DNAH11: variants seen among roughly 807,000 people sequenced by gnomAD.
DNAH11 encodes dynein axonemal heavy chain 11, also known as axonemal beta dynein heavy chain 11.
A neutral mutation model predicts 526.0 loss-of-function variants in DNAH11; 442 were observed. The observed-to-expected ratio is 0.84, with a 90% CI of 0.78 to 0.91. The LOEUF is 0.91. Among genes scored for constraint, DNAH11 ranks in the 40% least tolerant of loss-of-function variants. The pLI is 0.00. For synonymous variants in DNAH11, 2,461 were observed against 1,935.9 expected (o/e 1.27, Z -7.12); for missense variants, 6,989 against 5,448.7 (o/e 1.28, Z -8.90).
chr7:21,655,897 T>C lies in DNAH11; in HGVS notation c.5010T>C (p.Asp1670=). 2 of 1,613,354 alleles carry C rather than the reference T, an allele frequency of 1.2e-6. No homozygotes were observed. Among genetic ancestry groups the C allele is most frequent in the Non-Finnish European group, 1.7e-6 (2 of 1,179,572 alleles). The change falls in exon 29 of 82, where the codon GAT becomes GAC. Residue 1670 remains aspartate (D), a synonymous_variant. Coordinates refer to ENST00000409508, the MANE Select transcript of DNAH11 (RefSeq NM_001277115.2). ...IADLQFEDNQ[D]VSAHRAVGMY... is the part of the protein sequence containing the mutation. Reference sequence around the variant, plus strand: ...ATCTGCAGTTTGAAGACAATCAGGATGTTTCTGCACACAGGGCAGTTGGAA... The same window carrying C: ...ATCTGCAGTTTGAAGACAATCAGGACGTTTCTGCACACAGGGCAGTTGGAA...
At chr7:21,568,587 A>G (rs984247297) in intron 6 of DNAH11, among the ~76,000 whole-genome samples, 4 of 152,114 alleles carry the variant, frequency 2.6e-5, no homozygotes, top group Admixed American at 1.3e-4. Flanking sequence ...ATTAAGTGCC[A>G]TCTTAGGAGG....
chr7:21,901,430 C>T lies in DNAH11; in HGVS notation c.*176C>T. The T allele has an allele frequency of 1.1e-6, 1 of 901,962 alleles. No individual in the cohort carries two copies. Among genetic ancestry groups the T allele is most frequent in the Non-Finnish European group, 1.5e-6 (1 of 663,038 alleles). 55.9% of individuals were successfully genotyped at this position (901,962 alleles called of 1,614,324 possible). ...AAAAATACTAGAAACTAACTCAGGG[C>T]TGAGCGTGGTGGCACACGACTGTAA... is the stretch of plus-strand genomic sequence containing the variant. On this transcript the variant is annotated 3_prime_UTR_variant, in exon 82 of 82. Coordinates refer to ENST00000409508, the MANE Select transcript of DNAH11 (RefSeq NM_001277115.2).
At chr7:21,775,637 C>G (rs1787639238) in intron 56 of DNAH11, among the ~76,000 whole-genome samples, 1 of 151,312 alleles carries the variant, frequency 6.6e-6, no homozygotes, top group African/African-American at 2.4e-5. Flanking sequence ...ACAAGTCTGT[C>G]TTTCCTGTCT....
At position 21,888,832 on chromosome 7, in the gene DNAH11, G is replaced by C. The variant is rs569498221; in HGVS notation, c.12508-3593G>C. ...TTGATTATATTTTCATGATGTGGAG[G>C]TTCTTTCTGCCTGAGCATGATTCTA... On this transcript the variant is annotated intron_variant, in intron 76 of 81. Transcript: ENST00000409508. Among the ~76,000 whole-genome samples the C allele has an allele frequency of 9.2e-5, 14 of 152,196 alleles. No homozygotes were observed. In the South Asian group the frequency reaches 2.9e-3, roughly 32 times the overall value.
rs553247785 is a variant in DNAH11, at chr7:21,707,720, A to G, written c.6568A>G (p.Thr2190Ala). 1.2e-6 allele frequency: 2 copies of G among 1,613,430 alleles called. No individual in the cohort carries two copies. The highest frequency in any genetic ancestry group is 1.3e-5 in the African/African-American group (1 of 75,034). ...KSKILRTLNR[T>A]YVNMKQKPVW... is the part of the protein sequence containing the mutation. The stretch of plus-strand genomic sequence containing the variant: ...TCAGATTTTGAGAACACTGAACCGA[A>G]CATATGTTAACATGAAACAGAAGCC... The change falls in exon 40 of 82, where the codon ACA becomes GCA. Residue 2190 changes from threonine (T) to alanine (A), a missense_variant. Thr to Ala is a moderately conservative substitution (Grantham distance 58). Coordinates refer to ENST00000409508, the MANE Select transcript of DNAH11 (RefSeq NM_001277115.2).
At chr7:21,647,051 A>G (rs1480800823) in intron 28 of DNAH11, among the ~76,000 whole-genome samples, 3 of 152,206 alleles carry the variant, frequency 2.0e-5, no homozygotes, top group Admixed American at 2.0e-4. Flanking sequence ...AAGTAATTAT[A>G]TGTGTATTTC....
intron 28 of DNAH11, among the ~76,000 whole-genome samples, chr7:21,654,994 G>A (rs912078643): frequency 2.6e-5 from 4 of 152,118 alleles, no homozygotes; most frequent in African/African-American, 9.7e-5. Context: ...GATAGATTTT[G>A]TTCTTCAAAC....
intron 2 of DNAH11, among the ~76,000 whole-genome samples, chr7:21,557,629 G>A (rs1020034393): frequency 3.9e-5 from 6 of 152,116 alleles, no homozygotes; most frequent in South Asian, 2.1e-4. Context: ...TTGGGGGTTA[G>A]GATTTCAATA....
At position 21,545,127 on chromosome 7, in the gene DNAH11, A is replaced by G. The variant is rs1562650204; in HGVS notation, c.473A>G (p.His158Arg). 4 of 1,610,668 alleles carry G rather than the reference A, an allele frequency of 2.5e-6. No homozygotes were observed. The highest frequency in any genetic ancestry group is 1.1e-5 in the South Asian group (1 of 90,212). Residue 158 changes from histidine (H) to arginine (R), a missense_variant, in exon 2 of 82, where the codon CAT (histidine) becomes CGT (arginine). Physicochemically the swap from His to Arg is conservative, Grantham distance 29. Coordinates refer to ENST00000409508, the MANE Select transcript of DNAH11 (RefSeq NM_001277115.2). ...FGELPALSLG[H>R]VSAFLDEILV... ...GAGTTACCTGCGTTGTCTCTTGGAC[A>G]TGTATCTGCTTTCCTTGATGAGGTA...
At chr7:21,610,856 A>T (rs977829852) in intron 20 of DNAH11, among the ~76,000 whole-genome samples, 2 of 152,244 alleles carry the variant, frequency 1.3e-5, no homozygotes, top group African/African-American at 4.8e-5. Context: ...AGCCTAAGGG[A>T]CGCATAGAAA....
At chr7:21,570,741 C>CT (rs1562668618) in intron 7 of DNAH11, 1 of 152,336 alleles carries the variant, frequency 6.6e-6, no homozygotes, top group Non-Finnish European at 1.5e-5. Context: ...TGCTGTACTA[C>CT]AAAAATATTA....
At chr7:21,684,757 C>G (rs769476547) in intron 32 of DNAH11, among the ~76,000 whole-genome samples, 2 of 152,236 alleles carry the variant, frequency 1.3e-5, no homozygotes, top group African/African-American at 2.4e-5. Flanking sequence ...TTCGTTTCCA[C>G]TTGACTCCAA....
chr7:21,822,084 A>G (rs11762774), intron 65 of DNAH11, among the ~76,000 whole-genome samples: 45,501 of 152,114 alleles, frequency 0.3, 8,610 homozygotes, highest in Non-Finnish European at 0.43. Context: ...TATATATACC[A>G]CAATTTCTTT....
rs35535321 is a variant in DNAH11 at position 21,574,564 on chromosome 7, C to CTTTTTTTT, written c.1593+2601_1593+2608dup. ...CCTCCCTCCCTCCCTCCCTTCCTTC[C>CTTTTTTTT]TTTTTTTTTTTTTTTTTAAGACAGA... On this transcript the variant is annotated intron_variant, in intron 8 of 81. Transcript: ENST00000409508. Among the ~76,000 whole-genome samples, 887 of 123,808 alleles carry CTTTTTTTT rather than the reference C, an allele frequency of 7.2e-3. 25 individuals carry two copies. Among genetic ancestry groups the CTTTTTTTT allele is most frequent in the African/African-American group, 0.027 (836 of 31,270 alleles). 81.2% of individuals were successfully genotyped at this position (123,808 alleles called of 152,430 possible). A position where few individuals can be genotyped will look rare whatever the true frequency, so the allele number is the denominator to read the frequency against.
chr7:21,618,962 C>A, intron 23 of DNAH11, 138 bp from the exon 24 acceptor site: 1 of 1,117,206 alleles, frequency 9.0e-7, no homozygotes, highest in Non-Finnish European at 1.3e-6. Flanking sequence ...TTAGATTCTC[C>A]ACGTATTTCA....
chr7:21,847,594 C>T (rs1251837889), intron 66 of DNAH11, among the ~76,000 whole-genome samples: 1 of 152,060 alleles, frequency 6.6e-6, no homozygotes, highest in Admixed American at 6.6e-5. Context: ...TTACTTGGTC[C>T]ATCTTGGCAA....
In DNAH11 at chr7:21,590,994, T is replaced by A; in HGVS notation, c.2246T>A (p.Ile749Asn). 6.6e-7 allele frequency: 1 copy of A among 1,518,882 alleles called. No individual in the cohort carries two copies. Among genetic ancestry groups the A allele is most frequent in the East Asian group, 2.5e-5 (1 of 39,704 alleles). The allele number at this position is 1,518,882 out of a possible 1,614,324, so 94.1% of individuals were successfully genotyped here. A position where few individuals can be genotyped will look rare whatever the true frequency, so the allele number is the denominator to read the frequency against. The change falls in exon 13 of 82, where the codon ATC (isoleucine) becomes AAC (asparagine). Residue 749 changes from isoleucine to asparagine, a missense_variant. Physicochemically the swap from Ile to Asn is moderately radical, Grantham distance 149. Coordinates refer to ENST00000409508, the MANE Select transcript of DNAH11 (RefSeq NM_001277115.2). ...GACATACCAGATTCAGCTTTAGCCA[T>A]CTTCAAGAAAAGGAACACTATTTTA... ...KQDIPDSALA[I>N]FKKRNTILKY...
intron 26 of DNAH11, among the ~76,000 whole-genome samples, chr7:21,636,902 A>C (rs970631371): frequency 6.6e-6 from 1 of 152,194 alleles, no homozygotes; most frequent in African/African-American, 2.4e-5. Context: ...GTAGAAAATA[A>C]CACTACTAGT....
chr7:21,876,503 G>A (rs1783719030), intron 74 of DNAH11, among the ~76,000 whole-genome samples: 1 of 152,244 alleles, frequency 6.6e-6, no homozygotes, highest in Admixed American at 6.5e-5. Context: ...CAGTTAGAAT[G>A]TTGGGTTGGC....
Sources: gnomAD v4.1 joint callset for allele counts (sites outside exome capture counted in the v4.1 genomes callset) on GRCh38, gnomAD v4.1.1 for gene constraint, MANE v1.5 for transcripts, NCBI Gene and HGNC (gene_info 2026-07-23, HGNC 2026-07-21) for gene names.